The following CNTNAP2 variants were observed in gnomAD, a reference collection of about 807,000 sequenced individuals.
The protein encoded by CNTNAP2 is contactin-associated protein-like 2.
CNTNAP2 carries 98 observed loss-of-function variants against 155.2 expected under a neutral mutation model. That is an observed-to-expected ratio of 0.63 (90% CI 0.54 to 0.75). The LOEUF (loss-of-function observed/expected upper bound fraction) is 0.75. Among genes scored for constraint, CNTNAP2 ranks in the 30% least tolerant of loss-of-function variants. The probability of loss-of-function intolerance (pLI) is 0.00; values close to 1 mark genes in which losing one functional copy is unlikely to be tolerated. For missense variants in CNTNAP2, 1,727 were observed against 1,688.1 expected (o/e 1.02, Z -0.40); for synonymous variants, 651 against 631.2 (o/e 1.03, Z -0.47).
chr7:147,793,924 G>A (rs1410776198), intron 13 of CNTNAP2, among the ~76,000 whole-genome samples: 1 of 151,824 alleles, frequency 6.6e-6, no homozygotes, highest in African/African-American at 2.4e-5. Flanking sequence ...CTTTGATGCT[G>A]TTGTAAATGG....
intron 3 of CNTNAP2, among the ~76,000 whole-genome samples, chr7:147,024,747 A>G (rs2129247850): frequency 6.6e-6 from 1 of 152,302 alleles, no homozygotes; most frequent in South Asian, 2.1e-4. Context: ...GAGAGAAACA[A>G]GCATGCAATT....
intron 1 of CNTNAP2, among the ~76,000 whole-genome samples, chr7:146,480,703 T>G (rs1182638351): frequency 6.8e-6 from 1 of 146,332 alleles, no homozygotes. Flanking sequence ...TTTTTTTTTT[T>G]TTTTAGACAG....
At chr7:147,929,930 G>A (rs942159560) in intron 14 of CNTNAP2, among the ~76,000 whole-genome samples, 5 of 152,100 alleles carry the variant, frequency 3.3e-5, no homozygotes, top group East Asian at 1.9e-4. Context: ...CCTTGCACAC[G>A]CAGTTCACAA....
At chr7:148,091,226 A>G (rs933744424) in intron 15 of CNTNAP2, among the ~76,000 whole-genome samples, 1 of 152,198 alleles carries the variant, frequency 6.6e-6, no homozygotes, top group African/African-American at 2.4e-5. Context: ...TTATGTTTCC[A>G]TTACAAAAAA....
chr7:147,903,428 T>C, intron 13 of CNTNAP2, 137 bp from the exon 14 acceptor site: 1 of 930,656 alleles, frequency 1.1e-6, no homozygotes, highest in East Asian at 2.6e-5. Context: ...GGTTGTCTGT[T>C]TGAAATAAAT....
intron 1 of CNTNAP2, among the ~76,000 whole-genome samples, chr7:146,561,189 A>G (rs1163838591): frequency 2.0e-5 from 3 of 152,152 alleles, no homozygotes; most frequent in East Asian, 3.9e-4. Flanking sequence ...AAAATTGTGT[A>G]GAAGACAATA....
chr7:147,401,315 T>C (rs1796908314), intron 10 of CNTNAP2, among the ~76,000 whole-genome samples: 1 of 152,206 alleles, frequency 6.6e-6, no homozygotes, highest in African/African-American at 2.4e-5. Context: ...ACTTGAGAAA[T>C]TATGAATAGA....
chr7:148,172,948 G>C, intron 18 of CNTNAP2, among the ~76,000 whole-genome samples: 1 of 152,116 alleles, frequency 6.6e-6, no homozygotes, highest in East Asian at 1.9e-4. Context: ...TCACCAGAAA[G>C]CTCCTCTGGT....
intron 9 of CNTNAP2, among the ~76,000 whole-genome samples, chr7:147,363,488 C>G (rs1023833957): frequency 2.0e-5 from 3 of 152,150 alleles, no homozygotes; most frequent in African/African-American, 7.2e-5. Flanking sequence ...CCATATTTTT[C>G]TAACTGCACA....
intron 14 of CNTNAP2, among the ~76,000 whole-genome samples, chr7:147,956,867 G>A (rs945669984): frequency 2.6e-5 from 4 of 152,272 alleles, no homozygotes; most frequent in African/African-American, 9.6e-5. Flanking sequence ...AGGTGTAAGA[G>A]AATGTGTGGA....
At chr7:146,927,698 C>A (rs895215726) in intron 3 of CNTNAP2, among the ~76,000 whole-genome samples, 4 of 151,790 alleles carry the variant, frequency 2.6e-5, no homozygotes, top group Non-Finnish European at 4.4e-5. Context: ...ATGCTAAAAA[C>A]ATCATTACTT....
intron 21 of CNTNAP2, among the ~76,000 whole-genome samples, chr7:148,326,329 G>A (rs1027998779): frequency 6.6e-6 from 1 of 152,016 alleles, no homozygotes; most frequent in African/African-American, 2.4e-5. Context: ...CTCGGTTATG[G>A]GTCCTGATGT....
chr7:147,486,552 T>A (rs1798514660), intron 11 of CNTNAP2, among the ~76,000 whole-genome samples: 1 of 151,992 alleles, frequency 6.6e-6, no homozygotes, highest in South Asian at 2.1e-4. Context: ...AGCCAATAGA[T>A]AAAATACATA....
intron 2 of CNTNAP2, among the ~76,000 whole-genome samples, chr7:146,826,857 T>TAGAGAGAGAGAG (rs1554485885): frequency 3.6e-5 from 5 of 138,976 alleles, no homozygotes; most frequent in African/African-American, 1.3e-4. Context: ...TATATATATA[T>TAGAGAGAGAGAG]AGAGAGAGAG....
At chr7:146,663,334 A>C (rs980154536) in intron 1 of CNTNAP2, among the ~76,000 whole-genome samples, 265 of 151,102 alleles carry the variant, frequency 1.8e-3, no homozygotes, top group African/African-American at 6.3e-3. Context: ...AAAAGAAATC[A>C]GTTAATGTGA....
chr7:148,067,583 G>A (rs1320462660), intron 15 of CNTNAP2, among the ~76,000 whole-genome samples: 1 of 152,246 alleles, frequency 6.6e-6, no homozygotes. Flanking sequence ...TGTTGGTTGT[G>A]CTAGCAGTTA....
At chr7:147,171,902 GA>G (rs1048495130) in intron 8 of CNTNAP2, among the ~76,000 whole-genome samples, 6 of 151,258 alleles carry the variant, frequency 4.0e-5, no homozygotes, top group Non-Finnish European at 5.9e-5. Flanking sequence ...TATGTTCTAT[GA>G]AAAAAACGAG....
chr7:147,578,818 A>T (rs1800445744), intron 12 of CNTNAP2, among the ~76,000 whole-genome samples: 1 of 151,972 alleles, frequency 6.6e-6, no homozygotes, highest in African/African-American at 2.4e-5. Context: ...TTACGAAATT[A>T]AAGTATCATT....
At chr7:147,118,104 A>G (rs925275844) in intron 5 of CNTNAP2, among the ~76,000 whole-genome samples, 1 of 152,150 alleles carries the variant, frequency 6.6e-6, no homozygotes, top group Non-Finnish European at 1.5e-5. Context: ...AGAAAAAAAT[A>G]TTATATAAAC....
Sources: allele counts gnomAD v4.1 joint callset (sites outside exome capture counted in the v4.1 genomes callset), GRCh38; gene constraint gnomAD v4.1.1; transcripts MANE v1.5; gene names NCBI Gene and HGNC (gene_info 2026-07-23, HGNC 2026-07-21).